The following RYR3 variants were observed in gnomAD, a reference collection of about 807,000 sequenced individuals.
RYR3 encodes ryanodine receptor 3.
RYR3 carries 207 observed loss-of-function variants against 584.3 expected under a neutral mutation model. The ratio of observed to expected loss-of-function variants is 0.35; its 90% CI spans 0.32 to 0.40. The LOEUF (loss-of-function observed/expected upper bound fraction) is 0.40, where lower values mean the gene tolerates loss of function less well. Among genes scored for constraint, RYR3 ranks in the 10% least tolerant of loss-of-function variants. The pLI, the probability that RYR3 is intolerant of heterozygous loss-of-function variation, is 1.00. For missense variants in RYR3, 5,616 were observed against 6,089.2 expected (o/e 0.92, Z 2.59); for synonymous variants, 2,416 against 2,248.5 (o/e 1.07, Z -2.11).
At chr15:33,471,056 C>T (rs1174994166) in intron 1 of RYR3, among the ~76,000 whole-genome samples, 1 of 152,156 alleles carries the variant, frequency 6.6e-6, no homozygotes, top group Non-Finnish European at 1.5e-5. Context: ...ATCTCATAAT[C>T]CCAAACAGAA....
chr15:33,371,337 C>T (rs1325073310), intron 1 of RYR3, among the ~76,000 whole-genome samples: 4 of 152,096 alleles, frequency 2.6e-5, no homozygotes, highest in Non-Finnish European at 4.4e-5. Context: ...CAAACCAATG[C>T]GGTTGCCATG....
chr15:33,463,567 G>GTAA (rs1052371549), intron 1 of RYR3, among the ~76,000 whole-genome samples: 4 of 151,912 alleles, frequency 2.6e-5, no homozygotes, highest in Admixed American at 2.6e-4. Context: ...AATGTCATAG[G>GTAA]TAATAGGTCA....
intron 38 of RYR3, among the ~76,000 whole-genome samples, chr15:33,689,786 T>C (rs1566957236): frequency 6.6e-6 from 1 of 151,704 alleles, no homozygotes. Context: ...TATTTCCTAA[T>C]TGTCTGAGAC....
At chr15:33,858,126 A>G (rs2079898098) in intron 99 of RYR3, 2 of 632,690 alleles carry the variant, frequency 3.2e-6, no homozygotes, top group Non-Finnish European at 5.3e-6. Flanking sequence ...TTTCATTACC[A>G]CACATCTAAG....
chr15:33,458,969 G>A (rs553813440), intron 1 of RYR3, among the ~76,000 whole-genome samples: 2 of 152,332 alleles, frequency 1.3e-5, no homozygotes, highest in Admixed American at 6.5e-5. Context: ...TGTCATGCCT[G>A]TATTAGTATA....
intron 45 of RYR3, among the ~76,000 whole-genome samples, chr15:33,724,570 ACT>A (rs999898234): frequency 1.3e-4 from 19 of 151,826 alleles, no homozygotes; most frequent in Non-Finnish European, 2.2e-4. Flanking sequence ...AGGAAGGCAG[ACT>A]CTTCCTGTGG....
At position 33,390,678 on chromosome 15, in the gene RYR3, G is replaced by A. The variant is rs183707558; in HGVS notation, c.51+79582G>A. 1.1e-4 allele frequency among the ~76,000 whole-genome samples: 16 copies of A among 152,230 alleles called. No homozygotes were observed. The highest frequency in any genetic ancestry group is 2.1e-4 in the Non-Finnish European group (14 of 68,010). ...GTCCCATTCTCTAAGAAATCAGAGTGGTTCACTCTGCGTAGATTGTTTGCA... is the reference window on the plus strand; with the variant it reads ...GTCCCATTCTCTAAGAAATCAGAGTAGTTCACTCTGCGTAGATTGTTTGCA... On this transcript the variant is annotated intron_variant, in intron 1 of 103. Transcript: ENST00000634891. This position sits in a 1 kb window ranked among gnomAD's most constrained non-coding sequence, Gnocchi z 4.2.
chr15:33,840,508 C>T (rs1420195258), intron 89 of RYR3: 13 of 350,210 alleles, frequency 3.7e-5, no homozygotes, highest in South Asian at 1.7e-4. Context: ...GATCTGTGTC[C>T]CATGTCTTTC....
At position 33,773,536 on chromosome 15, in the gene RYR3, G is replaced by A. The variant is rs1302967585; in HGVS notation, c.9058G>A (p.Gly3020Ser). 6.9e-6 allele frequency: 11 copies of A among 1,602,672 alleles called. No individual in the cohort carries two copies. The highest frequency in any genetic ancestry group is 1.3e-5 in the African/African-American group (1 of 74,734). The change falls in exon 64 of 104, where the codon GGT (glycine) becomes AGT (serine). Residue 3020 changes from glycine (G) to serine (S), a missense_variant and splice_region_variant. Gly to Ser is a moderately conservative substitution (Grantham distance 56). Transcript: ENST00000634891. ...ATGATATTTCTTCTTTGTTTCAGTG[G>A]GTGATGTGCAGATTTCATGCTACCA... ...QHQFGMDLLL[G>S]DVQISCYHIL...
rs2077064284 is a variant in RYR3, at chr15:33,820,822, C to T, written c.10815+10C>T. On this transcript the variant is annotated intron_variant, in intron 78 of 103. Transcript: ENST00000634891. Reference sequence around the variant, plus strand: ...GGAAAAAACATTCGAAGTAAGTTCTCATGAAGAATAAAAATAGAGCCACCC... The same window carrying T: ...GGAAAAAACATTCGAAGTAAGTTCTTATGAAGAATAAAAATAGAGCCACCC... The T allele has an allele frequency of 6.6e-7, 1 of 1,524,808 alleles. No homozygotes were observed. The highest frequency in any genetic ancestry group is 2.4e-5 in the East Asian group (1 of 41,000). 94.5% of individuals were successfully genotyped at this position (1,524,808 alleles called of 1,614,324 possible).
At chr15:33,800,996 C>A in intron 68 of RYR3, 139 bp downstream of exon 68, 1 of 662,256 alleles carries the variant, frequency 1.5e-6, no homozygotes, top group Admixed American at 2.4e-5. Context: ...CGACCCATGA[C>A]ACTGCCTCAG....
chr15:33,853,729 G>A, intron 96 of RYR3, 47 bp downstream of exon 96: 1 of 1,581,870 alleles, frequency 6.3e-7, no homozygotes, highest in South Asian at 1.1e-5. Context: ...AAAATAGATA[G>A]ATCTTTGCTT....
chr15:33,339,233 GCTGA>G (rs1403155963), intron 1 of RYR3, among the ~76,000 whole-genome samples: 1 of 152,240 alleles, frequency 6.6e-6, no homozygotes, highest in Non-Finnish European at 1.5e-5. Context: ...ACTGCAGCCT[GCTGA>G]GGTGGCAGGG....
At position 33,662,155 on chromosome 15, in the gene RYR3, G is replaced by C; in HGVS notation, c.4625G>C (p.Cys1542Ser). 1 of 1,589,230 alleles carries C rather than the reference G, an allele frequency of 6.3e-7. No individual in the cohort carries two copies. Among genetic ancestry groups the C allele is most frequent in the South Asian group, 1.2e-5 (1 of 86,006 alleles). The change falls in exon 35 of 104, where the codon TGT becomes TCT. Residue 1542 changes from cysteine to serine, a missense_variant and splice_region_variant. Cys to Ser is a moderately radical substitution (Grantham distance 112, BLOSUM62 -1). Coordinates refer to ENST00000634891, the MANE Select transcript of RYR3 (RefSeq NM_001036.6). Reference sequence around the variant, plus strand: ...CTGATTGCTCGTCCTGTCCTCAGGTGTGTGGATATCCTGGAGCTCTGTGAG... The same window carrying C: ...CTGATTGCTCGTCCTGTCCTCAGGTCTGTGGATATCCTGGAGCTCTGTGAG... ...MALHIPEENR[C>S]VDILELCEQE...
intron 63 of RYR3, among the ~76,000 whole-genome samples, chr15:33,772,973 A>G (rs1364486961): frequency 1.3e-5 from 2 of 152,198 alleles, no homozygotes; most frequent in South Asian, 2.1e-4. Flanking sequence ...CAAGCAAAAC[A>G]TGCCCTTCCC....
At chr15:33,857,632 T>C in intron 98 of RYR3, 148 bp from the exon 99 acceptor site, 1 of 892,410 alleles carries the variant, frequency 1.1e-6, no homozygotes. Flanking sequence ...CATGGCCTGA[T>C]AGCTTTCTTA....
At chr15:33,589,427 ATTAT>A (rs2059018389) in intron 16 of RYR3, among the ~76,000 whole-genome samples, 1 of 152,062 alleles carries the variant, frequency 6.6e-6, no homozygotes. Flanking sequence ...CACTCTATTG[ATTAT>A]TTATTTTGCT....
At chr15:33,667,946 C>T (rs1350561597) in intron 36 of RYR3, among the ~76,000 whole-genome samples, 1 of 151,514 alleles carries the variant, frequency 6.6e-6, no homozygotes, top group African/African-American at 2.4e-5. Flanking sequence ...ACCTGTAATC[C>T]CAGCTACTCG....
chr15:33,662,283 G>A lies in RYR3; in HGVS notation c.4753G>A (p.Asp1585Asn), dbSNP rs781031032. 8.1e-6 allele frequency: 13 copies of A among 1,611,062 alleles called. No individual in the cohort carries two copies. The Admixed American group carries it at 2.2e-4, about 27-fold the overall frequency. ...RVAYALCSHVDLSQLFYAIDN... is the reference protein window; with the variant it reads ...RVAYALCSHVNLSQLFYAIDN... The stretch of plus-strand genomic sequence containing the variant: ...GGCCTACGCCCTGTGCAGCCACGTG[G>A]ACCTCTCCCAGCTCTTCTATGCCAT... The change falls in exon 35 of 104, where the codon GAC (aspartate) becomes AAC (asparagine). Residue 1585 changes from aspartate to asparagine, a missense_variant. By Grantham distance (23) the Asp-to-Asn change is conservative. This residue lies in a region of RYR3 where 753 missense variants were observed against 741.0 expected (regional missense o/e 1.02). Coordinates refer to ENST00000634891, the MANE Select transcript of RYR3 (RefSeq NM_001036.6).
Sources: gnomAD v4.1 joint callset for allele counts (sites outside exome capture counted in the v4.1 genomes callset) on GRCh38, gnomAD v4.1.1 for gene constraint, gnomAD v4.1.1 regional missense constraint, Gnocchi (gnomAD v3.1) non-coding constraint, MANE v1.5 for transcripts, NCBI Gene and HGNC (gene_info 2026-07-23, HGNC 2026-07-21) for gene names.